The following MINPP1 variants were observed in gnomAD, a reference collection of about 807,000 sequenced individuals.
MINPP1 encodes multiple inositol-polyphosphate phosphatase 1.
In MINPP1, 28 loss-of-function variants were observed where a neutral mutation model predicts 46.1. That is an observed-to-expected ratio of 0.61 (90% CI 0.45 to 0.83). The LOEUF is 0.83. MINPP1 is among the 40% of genes least tolerant of loss of function. MINPP1 has a pLI of 0.00. For synonymous variants in MINPP1, 268 were observed against 249.1 expected, an observed-to-expected ratio of 1.08 and a Z score of -0.72; for missense variants, 603 against 610.0, an observed-to-expected ratio of 0.99 and a Z score of 0.12.
intron 1 of MINPP1, among the ~76,000 whole-genome samples, chr10:87,506,020 CTTTTTTTTTTTT>C (rs568866798): frequency 7.0e-6 from 1 of 142,950 alleles, no homozygotes; most frequent in Non-Finnish European, 1.5e-5. Flanking sequence ...TTCCTTCTTT[CTTTTTTTTTTTT>C]TTTAAACTCA....
intron 4 of MINPP1, among the ~76,000 whole-genome samples, chr10:87,534,358 C>T (rs543337138): frequency 2.0e-5 from 3 of 152,158 alleles, no homozygotes; most frequent in East Asian, 3.9e-4. Flanking sequence ...CCACAGTGCC[C>T]GGCCACATAC....
At position 87,504,978 on chromosome 10, in the gene MINPP1, G is replaced by A. The variant is rs1040063134; in HGVS notation, c.63G>A (p.Ala21=). 6.2e-7 allele frequency: 1 copy of A among 1,612,220 alleles called. No individual in the cohort carries two copies. Among genetic ancestry groups the A allele is most frequent in the Non-Finnish European group, 8.5e-7 (1 of 1,179,622 alleles). ...TAGCGCCTGCCGCGGCCCTGGCTGCGGCGCTGCTCTCGTCGCTTGCGCGCT... is the reference window on the plus strand; with the variant it reads ...TAGCGCCTGCCGCGGCCCTGGCTGCAGCGCTGCTCTCGTCGCTTGCGCGCT... The part of the protein sequence containing the change: ...TSVAPAAALA[A]ALLSSLARCS... The change falls in exon 1 of 5, where the codon GCG becomes GCA. Residue 21 remains alanine, a synonymous_variant. Transcript: ENST00000371996.
chr10:87,548,773 G>T (rs1851923478), intron 4 of MINPP1, among the ~76,000 whole-genome samples: 1 of 151,648 alleles, frequency 6.6e-6, no homozygotes. Context: ...TATTACCCTT[G>T]TCTTATTATT....
At chr10:87,547,735 C>G (rs1467337819) in intron 4 of MINPP1, among the ~76,000 whole-genome samples, 3 of 152,152 alleles carry the variant, frequency 2.0e-5, no homozygotes. Flanking sequence ...GAACTCATCT[C>G]CTGGATTCTA....
chr10:87,524,931 A>G (rs1444636414), intron 4 of MINPP1, among the ~76,000 whole-genome samples: 2 of 152,046 alleles, frequency 1.3e-5, no homozygotes, highest in African/African-American at 4.8e-5. Flanking sequence ...AATTAAAAAA[A>G]CTTTGAAATA....
In MINPP1 at chr10:87,553,195, A is replaced by G. The variant is rs1466635620; in HGVS notation, c.*717A>G. 6.6e-6 allele frequency: 1 copy of G among 152,124 alleles called. No individual in the cohort carries two copies. The highest frequency in any genetic ancestry group is 1.5e-5 in the Non-Finnish European group (1 of 68,006). 9.4% of individuals were successfully genotyped at this position (152,124 alleles called of 1,614,324 possible). On this transcript the variant is annotated 3_prime_UTR_variant, in exon 5 of 5. Coordinates refer to ENST00000371996, the MANE Select transcript of MINPP1 (RefSeq NM_004897.5). The stretch of plus-strand genomic sequence containing the variant: ...AATTAGCAACAAGTCAGATAGTTAG[A>G]ATCGAAGTTTTTCAAATCCATTGCT...
At chr10:87,512,348 T>C (rs532914620) in intron 2 of MINPP1, among the ~76,000 whole-genome samples, 20 of 152,328 alleles carry the variant, frequency 1.3e-4, no homozygotes, top group Admixed American at 5.2e-4. Flanking sequence ...GAAAAACTCA[T>C]GTTGGTACCA....
chr10:87,516,401 T>C lies in MINPP1; in HGVS notation c.933+3180T>C, dbSNP rs1455145881. 1.9e-5 allele frequency among the ~76,000 whole-genome samples: 2 copies of C among 104,574 alleles called. 1 individual carries two copies. The highest frequency in any genetic ancestry group is 5.7e-5 in the African/African-American group (2 of 34,800). The allele number at this position is 104,574 out of a possible 152,430, so 68.6% of individuals were successfully genotyped here. On this transcript the variant is annotated intron_variant, in intron 3 of 4. Transcript: ENST00000371996. ...AGATGCTCCTTAAGTTATGGTGGGG[T>C]TGCATCCAGATAAACCCATGGTAGA...
chr10:87,527,992 C>A (rs1037392284), intron 4 of MINPP1, among the ~76,000 whole-genome samples: 1 of 152,110 alleles, frequency 6.6e-6, no homozygotes, highest in Non-Finnish European at 1.5e-5. Context: ...AGTTTGTTTG[C>A]GTAGAGATGT....
At position 87,552,502 on chromosome 10, in the gene MINPP1, C is replaced by T; in HGVS notation, c.*24C>T. On this transcript the variant is annotated 3_prime_UTR_variant, in exon 5 of 5. Transcript: ENST00000371996. ...GAGTAACTGAAGAACATTTTTAATT[C>T]TTTAGGAATCTGCAATGAGTGATTA... 1 of 1,606,566 alleles carries T rather than the reference C, an allele frequency of 6.2e-7. No individual in the cohort carries two copies. The highest frequency in any genetic ancestry group is 8.5e-7 in the Non-Finnish European group (1 of 1,177,216).
intron 4 of MINPP1, among the ~76,000 whole-genome samples, chr10:87,547,791 G>A (rs912583225): frequency 1.3e-5 from 2 of 152,184 alleles, no homozygotes; most frequent in Non-Finnish European, 2.9e-5. Context: ...TTCACTGCTA[G>A]AACTGCTGTG....
intron 4 of MINPP1, among the ~76,000 whole-genome samples, chr10:87,546,860 G>C (rs982528283): frequency 6.6e-6 from 1 of 152,132 alleles, no homozygotes; most frequent in Non-Finnish European, 1.5e-5. Context: ...AGCCCAGGAG[G>C]TCGAGGCTGC....
At chr10:87,509,214 C>T (rs1851299681) in intron 2 of MINPP1, among the ~76,000 whole-genome samples, 1 of 151,998 alleles carries the variant, frequency 6.6e-6, no homozygotes, top group South Asian at 2.1e-4. Context: ...AATTTATGTT[C>T]CATAGGGTAG....
intron 3 of MINPP1, among the ~76,000 whole-genome samples, chr10:87,514,528 C>T (rs1015511106): frequency 6.6e-6 from 1 of 151,944 alleles, no homozygotes; most frequent in East Asian, 1.9e-4. Context: ...TTCTTTTGTC[C>T]TTCGTACATT....
rs762914483 is a variant in MINPP1, at chr10:87,521,183, A to G, written c.1067+14A>G. 1.2e-6 allele frequency: 2 copies of G among 1,606,426 alleles called. No individual in the cohort carries two copies. The highest frequency in any genetic ancestry group is 1.1e-5 in the South Asian group (1 of 89,730). On this transcript the variant is annotated intron_variant, in intron 4 of 4. Transcript: ENST00000371996. ...ACAGAAACAAAGGTAAGAACTTTCT[A>G]AAAAATGTGAAGTACATTTTGAGTT...
chr10:87,551,372 C>T (rs552817185), intron 4 of MINPP1, among the ~76,000 whole-genome samples: 1 of 151,820 alleles, frequency 6.6e-6, no homozygotes, highest in South Asian at 2.1e-4. Context: ...AGGGAAAAGG[C>T]TAAGCAGTCA....
At chr10:87,537,324 T>C (rs1851750368) in intron 4 of MINPP1, among the ~76,000 whole-genome samples, 1 of 152,226 alleles carries the variant, frequency 6.6e-6, no homozygotes, top group Non-Finnish European at 1.5e-5. Context: ...ACGCTTCATA[T>C]GGCAGGTCTT....
At chr10:87,517,504 CAT>C (rs150656761) in intron 3 of MINPP1, among the ~76,000 whole-genome samples, 284 of 151,938 alleles carry the variant, frequency 1.9e-3, no homozygotes, top group African/African-American at 5.9e-3. Context: ...ATATTTAAAT[CAT>C]GTGTATGTAA....
intron 4 of MINPP1, among the ~76,000 whole-genome samples, chr10:87,533,185 A>G (rs942675747): frequency 1.4e-4 from 22 of 152,026 alleles, no homozygotes; most frequent in African/African-American, 4.8e-4. Context: ...TAATATTAAC[A>G]TTAAATCAGG....
Sources: gnomAD v4.1 joint callset for allele counts (sites outside exome capture counted in the v4.1 genomes callset) on GRCh38, gnomAD v4.1.1 for gene constraint, MANE v1.5 for transcripts, NCBI Gene and HGNC (gene_info 2026-07-23, HGNC 2026-07-21) for gene names.